The following PWWP2A variants were observed in gnomAD, a reference collection of about 807,000 sequenced individuals.
PWWP2A encodes PWWP domain-containing protein 2A.
Under a neutral mutation model 48.5 loss-of-function variants are expected in PWWP2A, and 18 were observed. That is an observed-to-expected ratio of 0.37 (90% CI 0.26 to 0.55). PWWP2A has a LOEUF of 0.55. Among genes scored for constraint, PWWP2A ranks in the 20% least tolerant of loss-of-function variants. PWWP2A has a pLI of 0.81. For missense variants in PWWP2A, 867 were observed against 976.4 expected, an observed-to-expected ratio of 0.89 and a Z score of 1.49; for synonymous variants, 396 against 387.7, an observed-to-expected ratio of 1.02 and a Z score of -0.25.
At chr5:160,082,797 G>GT (rs1754338551) in intron 2 of PWWP2A, among the ~76,000 whole-genome samples, 2 of 152,276 alleles carry the variant, frequency 1.3e-5, no homozygotes, top group South Asian at 2.1e-4. Flanking sequence ...CTGTGATGCA[G>GT]TAAGTGGAGG....
downstream of PWWP2A, among the ~76,000 whole-genome samples, chr5:160,087,676 TAAAAA>T (rs543166498): frequency 3.5e-4 from 54 of 152,330 alleles, no homozygotes; most frequent in African/African-American, 1.2e-3. Context: ...ACTGTATAAT[TAAAAA>T]TGATTAAGAT....
At chr5:160,071,243 T>C (rs1753732322), downstream of PWWP2A, among the ~76,000 whole-genome samples, 3 of 152,318 alleles carry the variant, frequency 2.0e-5, no homozygotes, top group South Asian at 6.2e-4. Flanking sequence ...TTTTAGTCTC[T>C]GAGCTGGCCT....
chr5:160,096,412 G>A (rs1755654528), intron 1 of PWWP2A, among the ~76,000 whole-genome samples: 1 of 152,106 alleles, frequency 6.6e-6, no homozygotes, highest in Non-Finnish European at 1.5e-5. Context: ...CAGTACATAG[G>A]TGCTCATTAA....
At chr5:160,073,004 CAAAAAAAAAAAAAAA>C (rs35836307), downstream of PWWP2A, among the ~76,000 whole-genome samples, 2 of 58,856 alleles carry the variant, frequency 3.4e-5, no homozygotes, top group South Asian at 8.8e-4. Flanking sequence ...GGCTCCGTCT[CAAAAAAAAAAAAAAA>C]AAAAAAAAAA....
At chr5:160,085,772 T>C (rs1754586272) in intron 2 of PWWP2A, among the ~76,000 whole-genome samples, 1 of 151,884 alleles carries the variant, frequency 6.6e-6, no homozygotes, top group Non-Finnish European at 1.5e-5. Flanking sequence ...CCCAAAGTGC[T>C]GGGATTACAG....
chr5:160,116,876 T>C (rs1012361709), intron 1 of PWWP2A: 10 of 537,596 alleles, frequency 1.9e-5, no homozygotes, highest in Middle Eastern at 9.1e-4. Flanking sequence ...GTGGATCACC[T>C]GAGGTCAGGA....
chr5:160,086,273 T>G (rs1166575612), intron 2 of PWWP2A, among the ~76,000 whole-genome samples: 1 of 152,088 alleles, frequency 6.6e-6, no homozygotes, highest in Non-Finnish European at 1.5e-5. Flanking sequence ...ACCCCACCAC[T>G]TTGGGAGGCT....
intron 1 of PWWP2A, among the ~76,000 whole-genome samples, chr5:160,103,974 A>T (rs982921550): frequency 3.3e-5 from 5 of 151,892 alleles, no homozygotes; most frequent in African/African-American, 1.2e-4. Flanking sequence ...ATACAAAAAA[A>T]TTAGAAGGGC....
At chr5:160,099,318 T>G (rs1317467901) in intron 1 of PWWP2A, among the ~76,000 whole-genome samples, 1 of 152,172 alleles carries the variant, frequency 6.6e-6, no homozygotes, top group Non-Finnish European at 1.5e-5. Flanking sequence ...AAGGCATGTG[T>G]TAACGTATTA....
chr5:160,103,761 T>C (rs576690271), intron 1 of PWWP2A, among the ~76,000 whole-genome samples: 2 of 152,114 alleles, frequency 1.3e-5, no homozygotes, highest in Non-Finnish European at 2.9e-5. Flanking sequence ...GGCATGTTGG[T>C]GAGTGTGCCT....
intron 1 of PWWP2A, among the ~76,000 whole-genome samples, chr5:160,098,931 G>A (rs1038196063): frequency 6.6e-5 from 10 of 152,094 alleles, no homozygotes; most frequent in African/African-American, 1.2e-4. Flanking sequence ...GTGACAGGGC[G>A]AGACTCCACC....
intron 1 of PWWP2A, among the ~76,000 whole-genome samples, chr5:160,104,139 A>G (rs1238728817): frequency 6.7e-6 from 1 of 150,338 alleles, no homozygotes; most frequent in Non-Finnish European, 1.5e-5. Context: ...AAAAAAAAAA[A>G]AGAAATGAAA....
At chr5:160,073,693 T>G (rs1753798188), downstream of PWWP2A, among the ~76,000 whole-genome samples, 1 of 152,158 alleles carries the variant, frequency 6.6e-6, no homozygotes, top group Non-Finnish European at 1.5e-5. Context: ...CTGGCACAGT[T>G]TTCCTGAATC....
chr5:160,110,762 T>C (rs1757477209), intron 1 of PWWP2A, among the ~76,000 whole-genome samples: 1 of 152,014 alleles, frequency 6.6e-6, no homozygotes, highest in South Asian at 2.1e-4. Context: ...CTGGGTGCAG[T>C]GGCTCACGCC....
chr5:160,047,335 C>G, the PWWP2A span, among the ~76,000 whole-genome samples: 2 of 152,162 alleles, frequency 1.3e-5, no homozygotes, highest in South Asian at 4.1e-4. Flanking sequence ...TAAGTTAAAC[C>G]TTTGGAGTCA....
At chr5:160,050,720 G>C in the PWWP2A span, among the ~76,000 whole-genome samples, 1 of 149,012 alleles carries the variant, frequency 6.7e-6, no homozygotes, top group Non-Finnish European at 1.5e-5. Context: ...CAACCTCCCA[G>C]ATTCAAGCAA....
At chr5:160,083,617 T>C (rs1009087572) in intron 2 of PWWP2A, among the ~76,000 whole-genome samples, 6 of 152,216 alleles carry the variant, frequency 3.9e-5, no homozygotes, top group Admixed American at 2.0e-4. Context: ...GTTCTCCTAA[T>C]AGGACCTCCA....
chr5:160,064,921 T>TTAC, intron 4 of PWWP2A: 22 of 1,604,354 alleles, frequency 1.4e-5, no homozygotes, highest in Non-Finnish European at 1.9e-5. Flanking sequence ...GTTTTTGCTT[T>TTAC]TACATTACAG....
chr5:160,047,363 G>A, the PWWP2A span, among the ~76,000 whole-genome samples: 55 of 152,178 alleles, frequency 3.6e-4, no homozygotes, highest in African/African-American at 1.0e-3. Context: ...TTGTTCTTTC[G>A]TGTCACATGG....
Sources: allele counts gnomAD v4.1 joint callset (sites outside exome capture counted in the v4.1 genomes callset), GRCh38; gene constraint gnomAD v4.1.1; transcripts MANE v1.5; gene names NCBI Gene and HGNC (gene_info 2026-07-23, HGNC 2026-07-21).